N4BP1: variants seen among roughly 807,000 people sequenced by gnomAD.
The protein encoded by N4BP1 is NEDD4-binding protein 1.
A neutral mutation model predicts 70.9 loss-of-function variants in N4BP1; 21 were observed. The observed-to-expected ratio is 0.30, with a 90% CI of 0.21 to 0.43. The LOEUF (loss-of-function observed/expected upper bound fraction) is 0.43, where lower values mean the gene tolerates loss of function less well. N4BP1 is among the 20% of genes least tolerant of loss of function. The pLI is 1.00. For synonymous variants in N4BP1, 387 were observed against 394.6 expected, an observed-to-expected ratio of 0.98 and a Z score of 0.23; for missense variants, 936 against 1,069.4, an observed-to-expected ratio of 0.88 and a Z score of 1.74.
In N4BP1 at chr16:48,571,276, GCCAAGCT is replaced by G. The variant is rs1487733382; in HGVS notation, c.199-8839_199-8833del. Among the ~76,000 whole-genome samples the G allele has an allele frequency of 2.4e-4, 36 of 152,284 alleles. No homozygotes were observed. The South Asian group carries it at 6.9e-3, about 29-fold the overall frequency. On this transcript the variant is annotated intron_variant, in intron 1 of 6. Coordinates refer to ENST00000262384, the MANE Select transcript of N4BP1 (RefSeq NM_153029.4). Reference sequence around the variant, plus strand: ...CTCCGTGGGCCACCAGCAACAACCAGCCAAGCTGAAGAGGAGAGATTTATTCTCCAGA... The same window carrying G: ...CTCCGTGGGCCACCAGCAACAACCAGGAAGAGGAGAGATTTATTCTCCAGA...
intron 6 of N4BP1, among the ~76,000 whole-genome samples, chr16:48,545,143 T>G (rs1218402986): frequency 1.3e-5 from 2 of 151,940 alleles, no homozygotes; most frequent in East Asian, 3.9e-4. Flanking sequence ...TTTTGCATTT[T>G]TAGTAGAGCC....
rs1021174761 is a variant in N4BP1 at position 48,541,289 on chromosome 16, T to A, written c.*1615A>T. The stretch of plus-strand genomic sequence containing the variant: ...AGGTACAAAGCTGAGGCATGGGAGC[T>A]GTGACTGAAGTCGCCCTCCTGGCTG... On this transcript the variant is annotated 3_prime_UTR_variant, in exon 7 of 7. Coordinates refer to ENST00000262384, the MANE Select transcript of N4BP1 (RefSeq NM_153029.4). The A allele has an allele frequency of 6.6e-6, 1 of 152,336 alleles. No individual in the cohort carries two copies. Among genetic ancestry groups the A allele is most frequent in the African/African-American group, 2.4e-5 (1 of 41,472 alleles). The allele number at this position is 152,336 out of a possible 1,614,324, so 9.4% of individuals were successfully genotyped here.
rs557192046 is a variant in N4BP1, at chr16:48,539,179, A to G, written c.*3725T>C. On this transcript the variant is annotated 3_prime_UTR_variant, in exon 7 of 7. Transcript: ENST00000262384. The stretch of plus-strand genomic sequence containing the variant: ...AACTTTGTGGTCTGGTCAAACAGCC[A>G]CTGCAGATCACTTCGCAGGAGGAGG... 1 of 152,426 alleles carries G rather than the reference A, an allele frequency of 6.6e-6. No individual in the cohort carries two copies. Among genetic ancestry groups the G allele is most frequent in the South Asian group, 2.1e-4 (1 of 4,826 alleles). 9.4% of individuals were successfully genotyped at this position (152,426 alleles called of 1,614,324 possible). A position where few individuals can be genotyped will look rare whatever the true frequency, so the allele number is the denominator to read the frequency against.
chr16:48,606,498 A>G (rs924457354), intron 1 of N4BP1, among the ~76,000 whole-genome samples: 1 of 152,136 alleles, frequency 6.6e-6, no homozygotes, highest in Non-Finnish European at 1.5e-5. Flanking sequence ...TTGCTCCACA[A>G]CCACCTCTGT....
intron 1 of N4BP1, 65 bp from the exon 2 acceptor site, chr16:48,562,509 C>A: frequency 1.5e-6 from 2 of 1,294,458 alleles, no homozygotes; most frequent in Non-Finnish European, 2.1e-6. Flanking sequence ...TAATAAATTA[C>A]CATGTAACTA....
At position 48,550,862 on chromosome 16, in the gene N4BP1, G is replaced by A. The variant is rs183230278; in HGVS notation, c.2117+524C>T. ...GAACCCAGGAGGCAGAGGTTGCAGT[G>A]AGCTGAGATTGCGCCACTGCACTCC... On this transcript the variant is annotated intron_variant, in intron 4 of 6. Transcript: ENST00000262384. 4.6e-5 allele frequency among the ~76,000 whole-genome samples: 7 copies of A among 152,142 alleles called. No individual in the cohort carries two copies. The East Asian group carries it at 1.4e-3, about 29-fold the overall frequency.
At chr16:48,549,476 T>A (rs1466191841) in intron 4 of N4BP1, among the ~76,000 whole-genome samples, 1 of 152,200 alleles carries the variant, frequency 6.6e-6, no homozygotes, top group Non-Finnish European at 1.5e-5. Context: ...GTACGTGTGT[T>A]CCAACGCTGC....
intron 1 of N4BP1, among the ~76,000 whole-genome samples, chr16:48,606,790 G>A (rs990384711): frequency 6.6e-6 from 1 of 152,196 alleles, no homozygotes; most frequent in Non-Finnish European, 1.5e-5. Flanking sequence ...AAACCACTTG[G>A]TGGGACACAA....
chr16:48,543,373 G>C, intron 6 of N4BP1, 112 bp from the exon 7 acceptor site: 2 of 844,126 alleles, frequency 2.4e-6, no homozygotes, highest in Non-Finnish European at 3.4e-6. Flanking sequence ...CCGCTCCCTG[G>C]CTTCCAAAGG....
At chr16:48,585,100 T>G (rs922815796) in intron 1 of N4BP1, among the ~76,000 whole-genome samples, 7 of 151,940 alleles carry the variant, frequency 4.6e-5, no homozygotes, top group Middle Eastern at 3.4e-3. Context: ...CCTGGCTAAT[T>G]TTTTTGTACT....
At chr16:48,596,909 G>A (rs1964422228) in intron 1 of N4BP1, among the ~76,000 whole-genome samples, 1 of 152,154 alleles carries the variant, frequency 6.6e-6, no homozygotes, top group South Asian at 2.1e-4. Flanking sequence ...AAGATCAGTA[G>A]TTGAGATATT....
At chr16:48,592,341 T>A (rs950858785) in intron 1 of N4BP1, among the ~76,000 whole-genome samples, 9 of 152,142 alleles carry the variant, frequency 5.9e-5, no homozygotes, top group Non-Finnish European at 8.8e-5. Context: ...CTTTTGAAAA[T>A]CCAGGATGCA....
chr16:48,595,741 CTT>C (rs1272919780), intron 1 of N4BP1, among the ~76,000 whole-genome samples: 2 of 152,152 alleles, frequency 1.3e-5, no homozygotes, highest in South Asian at 2.1e-4. Context: ...AGGAATCAAA[CTT>C]GACTTATAGA....
chr16:48,582,996 G>A (rs908189841), intron 1 of N4BP1, among the ~76,000 whole-genome samples: 7 of 152,244 alleles, frequency 4.6e-5, no homozygotes, highest in African/African-American at 1.4e-4. Context: ...TGAGGTGGGG[G>A]AACTGCTTGA....
At chr16:48,578,689 C>T (rs1964134555) in intron 1 of N4BP1, among the ~76,000 whole-genome samples, 1 of 152,240 alleles carries the variant, frequency 6.6e-6, no homozygotes, top group Non-Finnish European at 1.5e-5. Context: ...TAAAGCTCTT[C>T]ATCGTGTAGG....
Position 48,560,949 on chromosome 16 carries a change from A to G in N4BP1, c.1694T>C (p.Met565Thr). 1.2e-6 allele frequency: 2 copies of G among 1,613,980 alleles called. No individual in the cohort carries two copies. The highest frequency in any genetic ancestry group is 1.1e-5 in the South Asian group (1 of 91,082). ...CGAAGGTAACAGCTGGGGCAGTGGC[A>G]TTGGTGGAGAAAGGGTTGAGCAATT... ...KPNCSTLSPP[M>T]PLPQLLPSVT... Residue 565 changes from methionine (M) to threonine (T), a missense_variant, in exon 2 of 7, where the codon ATG becomes ACG. By Grantham distance (81) the Met-to-Thr change is moderately conservative (BLOSUM62 -1). Transcript: ENST00000262384.
rs200353639 is a variant in N4BP1 at position 48,560,799 on chromosome 16, G to A, written c.1844C>T (p.Thr615Met). 1.9e-4 allele frequency: 301 copies of A among 1,612,758 alleles called. No individual in the cohort carries two copies. Among genetic ancestry groups the A allele is most frequent in the Admixed American group, 3.2e-4 (19 of 59,750 alleles). The change falls in exon 2 of 7, where the codon ACG becomes ATG. Residue 615 changes from threonine to methionine, a missense_variant. By Grantham distance (81) the Thr-to-Met change is moderately conservative (BLOSUM62 -1). Coordinates refer to ENST00000262384, the MANE Select transcript of N4BP1 (RefSeq NM_153029.4). ...ATCTATAACAATGTGTTTCAAATCC[G>A]TTCTCCCTGGTTCATTTTTTAATTC... ...KLELKNEPGR[T>M]DLKHIVIDGS... is the part of the protein sequence containing the mutation.
intron 1 of N4BP1, chr16:48,577,997 C>T (rs74675836): frequency 0.011 from 1,693 of 155,302 alleles, 15 homozygotes; most frequent in Non-Finnish European, 0.016. Flanking sequence ...TAGACGTGAC[C>T]GTTCTAGTCC....
At chr16:48,603,561 C>T (rs915292449) in intron 1 of N4BP1, 6 of 152,192 alleles carry the variant, frequency 3.9e-5, no homozygotes, top group African/African-American at 1.4e-4. Context: ...TTGCTATGGA[C>T]TTTGGTGACC....
Sources: gnomAD v4.1 joint callset for allele counts (sites outside exome capture counted in the v4.1 genomes callset) on GRCh38, gnomAD v4.1.1 for gene constraint, MANE v1.5 for transcripts, NCBI Gene and HGNC (gene_info 2026-07-23, HGNC 2026-07-21) for gene names.